The following RYR2 variants were observed in gnomAD, a reference collection of about 807,000 sequenced individuals.
RYR2 encodes the protein cardiac muscle ryanodine receptor-calcium release channel.
RYR2 carries 227 observed loss-of-function variants against 601.1 expected under a neutral mutation model. The observed-to-expected ratio is 0.38, with a 90% CI of 0.34 to 0.42. The LOEUF (loss-of-function observed/expected upper bound fraction) is 0.42. Among genes scored for constraint, RYR2 ranks in the 10% least tolerant of loss-of-function variants. The pLI, the probability that RYR2 is intolerant of heterozygous loss-of-function variation, is 1.00. For missense variants in RYR2, 4,646 were observed against 6,156.5 expected (o/e 0.75, Z 8.21); for synonymous variants, 2,223 against 2,175.1 (o/e 1.02, Z -0.61).
chr1:237,515,779 TTCCCCTACTTC>T (rs1666423442), intron 24 of RYR2, among the ~76,000 whole-genome samples: 1 of 57,636 alleles, frequency 1.7e-5, no homozygotes, highest in African/African-American at 6.6e-5. Flanking sequence ...CCTCTTCTCC[TTCCCCTACTTC>T]CTCTTCTCCT....
intron 12 of RYR2, among the ~76,000 whole-genome samples, chr1:237,425,688 G>GTGGA (rs1015389730): frequency 6.6e-6 from 1 of 152,000 alleles, no homozygotes; most frequent in Non-Finnish European, 1.5e-5. Flanking sequence ...TTAGGTGGAA[G>GTGGA]TGGACCATCA....
intron 2 of RYR2, among the ~76,000 whole-genome samples, chr1:237,325,102 G>A (rs184088072): frequency 8.4e-4 from 128 of 152,284 alleles, no homozygotes; most frequent in African/African-American, 2.9e-3. Flanking sequence ...TGGTGGTGGC[G>A]GTGGTCATGA....
intron 102 of RYR2, among the ~76,000 whole-genome samples, 152 bp downstream of exon 102, chr1:237,828,597 A>G (rs1253659793): frequency 6.6e-6 from 1 of 152,218 alleles, no homozygotes; most frequent in African/African-American, 2.4e-5. Flanking sequence ...CAAGCAATAC[A>G]TATAGTTGAG....
At chr1:237,102,687 C>G (rs898665421) in intron 1 of RYR2, among the ~76,000 whole-genome samples, 2 of 152,080 alleles carry the variant, frequency 1.3e-5, no homozygotes, top group Admixed American at 6.5e-5. Flanking sequence ...GAAACCCCTT[C>G]TCTACTAAAA....
At chr1:237,504,732 G>A (rs1171378677) in intron 22 of RYR2, among the ~76,000 whole-genome samples, 1 of 152,184 alleles carries the variant, frequency 6.6e-6, no homozygotes, top group African/African-American at 2.4e-5. Flanking sequence ...ATATCATACA[G>A]ATGTGACACA....
At chr1:237,050,876 A>G (rs1219490886) in intron 1 of RYR2, among the ~76,000 whole-genome samples, 2 of 152,256 alleles carry the variant, frequency 1.3e-5, no homozygotes, top group Non-Finnish European at 2.9e-5. Context: ...TCAAAATAAA[A>G]GCAATTATGA....
intron 17 of RYR2, among the ~76,000 whole-genome samples, chr1:237,482,581 AT>A (rs1243783670): frequency 6.6e-6 from 1 of 151,788 alleles, no homozygotes; most frequent in Admixed American, 6.6e-5. Flanking sequence ...GTATATACTG[AT>A]TTTCTTTATC....
chr1:237,641,978 A>AT (rs906744407), intron 47 of RYR2, among the ~76,000 whole-genome samples: 9 of 132,874 alleles, frequency 6.8e-5, no homozygotes, highest in Non-Finnish European at 1.2e-4. Context: ...TATTATATTC[A>AT]TTTAAAAAAA....
chr1:237,379,032 G>A (rs1701246676), intron 8 of RYR2, among the ~76,000 whole-genome samples: 1 of 152,168 alleles, frequency 6.6e-6, no homozygotes, highest in East Asian at 1.9e-4. Flanking sequence ...TGTAAAATAA[G>A]CATTAATTAA....
At chr1:237,233,306 T>G (rs555567058) in intron 1 of RYR2, among the ~76,000 whole-genome samples, 1 of 152,350 alleles carries the variant, frequency 6.6e-6, no homozygotes, top group South Asian at 2.1e-4. Flanking sequence ...AAATTGGAAT[T>G]TAGGCTGTTT....
chr1:237,288,176 T>C (rs527979946), intron 2 of RYR2, among the ~76,000 whole-genome samples: 235 of 152,320 alleles, frequency 1.5e-3, no homozygotes, highest in African/African-American at 5.3e-3. Flanking sequence ...TCTATGAGTC[T>C]CTCAGCTGTG....
chr1:237,594,901 T>TGTTTG (rs1559084128), intron 33 of RYR2, among the ~76,000 whole-genome samples: 2 of 20,256 alleles, frequency 9.9e-5, no homozygotes, highest in African/African-American at 1.8e-4. Flanking sequence ...TTTTTTTTTT[T>TGTTTG]TTTTTTTTTT....
chr1:237,670,339 CGGGAGA>C (rs990744714), intron 58 of RYR2, among the ~76,000 whole-genome samples: 202 of 120,462 alleles, frequency 1.7e-3, no homozygotes, highest in Middle Eastern at 4.7e-3. Flanking sequence ...GAGAGGGAGA[CGGGAGA>C]GGGAGAGGGA....
intron 1 of RYR2, among the ~76,000 whole-genome samples, chr1:237,071,873 G>T (rs1194306390): frequency 6.6e-6 from 1 of 152,250 alleles, no homozygotes; most frequent in Middle Eastern, 3.2e-3. Flanking sequence ...GTTTCAGAGG[G>T]GGATGAGGCG....
intron 17 of RYR2, among the ~76,000 whole-genome samples, chr1:237,479,893 C>T (rs950309363): frequency 6.6e-6 from 1 of 152,160 alleles, no homozygotes; most frequent in Non-Finnish European, 1.5e-5. Flanking sequence ...TGAGGCTACA[C>T]AGCTCAGATG....
At chr1:237,196,885 CT>C (rs1444698148) in intron 1 of RYR2, among the ~76,000 whole-genome samples, 3 of 152,082 alleles carry the variant, frequency 2.0e-5, no homozygotes, top group Non-Finnish European at 4.4e-5. Flanking sequence ...AATATCGAGC[CT>C]TTCTATCCAT....
At chr1:237,597,792 A>G (rs141143115) in intron 34 of RYR2, among the ~76,000 whole-genome samples, 10 of 152,322 alleles carry the variant, frequency 6.6e-5, no homozygotes, top group African/African-American at 2.4e-4. Context: ...AGGATCTAGA[A>G]AACAACCAAC....
intron 99 of RYR2, among the ~76,000 whole-genome samples, chr1:237,808,654 C>CAAAAAAAAAAA (rs35162950): frequency 8.6e-6 from 1 of 116,056 alleles, no homozygotes. Flanking sequence ...AACTCTGTCT[C>CAAAAAAAAAAA]AAAAAAAAAA....
chr1:237,305,308 C>T (rs1365446022), intron 2 of RYR2, among the ~76,000 whole-genome samples: 4 of 152,148 alleles, frequency 2.6e-5, no homozygotes, highest in African/African-American at 9.7e-5. Context: ...GAATGGGCCA[C>T]AGGAGTCCAC....
Sources: allele counts gnomAD v4.1 joint callset (sites outside exome capture counted in the v4.1 genomes callset), GRCh38; gene constraint gnomAD v4.1.1; transcripts MANE v1.5; gene names NCBI Gene and HGNC (gene_info 2026-07-23, HGNC 2026-07-21).